CADM2: variants seen among roughly 807,000 people sequenced by gnomAD.
CADM2 encodes immunoglobulin superfamily member 4D.
Under a neutral mutation model 49.8 loss-of-function variants are expected in CADM2, and 12 were observed. The observed-to-expected ratio is 0.24, with a 90% CI of 0.15 to 0.39. CADM2 has a LOEUF of 0.39. Ranked by LOEUF, CADM2 falls within the 10% of genes least tolerant of loss-of-function variation. The pLI is 1.00. For synonymous variants in CADM2, 214 were observed against 175.4 expected (o/e 1.22, Z -1.74); for missense variants, 378 against 492.3 (o/e 0.77, Z 2.20).
intron 7 of CADM2, among the ~76,000 whole-genome samples, chr3:85,946,305 C>T (rs1170325415): frequency 6.7e-6 from 1 of 150,092 alleles, no homozygotes; most frequent in Non-Finnish European, 1.5e-5. Context: ...GAGGAACATT[C>T]CATGCTCATA....
chr3:85,017,219 T>C (rs1943173429), intron 1 of CADM2, among the ~76,000 whole-genome samples: 1 of 152,122 alleles, frequency 6.6e-6, no homozygotes, highest in African/African-American at 2.4e-5. Flanking sequence ...TGAATGACTA[T>C]TAAGTGGATG....
intron 2 of CADM2, among the ~76,000 whole-genome samples, chr3:85,749,456 T>C (rs1016556229): frequency 2.0e-5 from 3 of 152,026 alleles, no homozygotes; most frequent in Non-Finnish European, 1.5e-5. Context: ...CATTACATTA[T>C]TAAATGCTTT....
intron 1 of CADM2, among the ~76,000 whole-genome samples, chr3:85,569,049 G>T (rs986343315): frequency 6.6e-6 from 1 of 152,162 alleles, no homozygotes; most frequent in East Asian, 1.9e-4. Flanking sequence ...TCACAACTCA[G>T]ATATTGACAT....
intron 1 of CADM2, among the ~76,000 whole-genome samples, chr3:85,088,896 G>A (rs1575838381): frequency 6.6e-6 from 1 of 152,000 alleles, no homozygotes. Flanking sequence ...GACCTTAAAT[G>A]TGTGCTTTCA....
intron 8 of CADM2, among the ~76,000 whole-genome samples, chr3:86,038,652 T>C (rs1237945395): frequency 2.0e-5 from 3 of 152,190 alleles, no homozygotes; most frequent in Admixed American, 2.0e-4. Flanking sequence ...ATTACATTTT[T>C]CCCCTGATCT....
chr3:85,880,129 C>A (rs936746311), intron 3 of CADM2, among the ~76,000 whole-genome samples: 2 of 152,038 alleles, frequency 1.3e-5, no homozygotes, highest in African/African-American at 4.8e-5. Context: ...TGAGTGTATT[C>A]TTTGTGTGCG....
intron 1 of CADM2, among the ~76,000 whole-genome samples, chr3:85,674,197 A>T (rs1479384683): frequency 1.3e-5 from 2 of 152,220 alleles, no homozygotes; most frequent in African/African-American, 2.4e-5. Flanking sequence ...ATACATGTAA[A>T]CGCACATATA....
chr3:85,244,233 A>G (rs2042598185), intron 1 of CADM2, among the ~76,000 whole-genome samples: 1 of 152,118 alleles, frequency 6.6e-6, no homozygotes, highest in African/African-American at 2.4e-5. Context: ...AACAAATAGT[A>G]TGGCAAAAAA....
intron 3 of CADM2, among the ~76,000 whole-genome samples, chr3:85,813,887 C>T (rs184046157): frequency 4.6e-5 from 7 of 152,128 alleles, no homozygotes; most frequent in East Asian, 1.9e-4. Context: ...TGTTCTGTTC[C>T]ATTGGTCTGT....
chr3:85,016,623 C>A (rs535113388), intron 1 of CADM2, among the ~76,000 whole-genome samples: 1 of 151,802 alleles, frequency 6.6e-6, no homozygotes, highest in Non-Finnish European at 1.5e-5. Flanking sequence ...CGAAACCCTG[C>A]CTCTACTGAA....
intron 1 of CADM2, among the ~76,000 whole-genome samples, chr3:85,409,011 A>T (rs867534080): frequency 6.6e-6 from 1 of 152,320 alleles, no homozygotes; most frequent in African/African-American, 2.4e-5. Context: ...TTTTAAGACA[A>T]ATATTTCACT....
intron 1 of CADM2, among the ~76,000 whole-genome samples, chr3:85,365,569 TC>T (rs2032723230): frequency 6.6e-6 from 1 of 152,154 alleles, no homozygotes; most frequent in African/African-American, 2.4e-5. Context: ...AGTAATCCAC[TC>T]CTGATTTTTT....
At chr3:85,256,886 A>T (rs976336676) in intron 1 of CADM2, among the ~76,000 whole-genome samples, 7 of 152,112 alleles carry the variant, frequency 4.6e-5, no homozygotes, top group African/African-American at 1.7e-4. Flanking sequence ...TTGGAGAAAG[A>T]AATGAAGATA....
chr3:85,133,679 C>T (rs1055441646), intron 1 of CADM2, among the ~76,000 whole-genome samples: 1 of 152,204 alleles, frequency 6.6e-6, no homozygotes, highest in Non-Finnish European at 1.5e-5. Context: ...AGGGTGCTGA[C>T]TGGTGTGTTT....
chr3:85,430,271 C>T (rs1221850899), intron 1 of CADM2, among the ~76,000 whole-genome samples: 2 of 152,080 alleles, frequency 1.3e-5, no homozygotes, highest in African/African-American at 4.8e-5. Context: ...TAGCAAAATC[C>T]TCCCGTGGAA....
At chr3:85,931,025 G>A (rs1276745274) in intron 6 of CADM2, among the ~76,000 whole-genome samples, 1 of 151,556 alleles carries the variant, frequency 6.6e-6, no homozygotes, top group African/African-American at 2.4e-5. Flanking sequence ...TTTCATTTAA[G>A]CATTTAAAAA....
intron 8 of CADM2, chr3:85,993,059 C>T (rs555462843): frequency 1.3e-5 from 2 of 152,234 alleles, no homozygotes; most frequent in East Asian, 3.9e-4. Flanking sequence ...CTTCACAGGG[C>T]TAGGCACAGT....
intron 1 of CADM2, among the ~76,000 whole-genome samples, chr3:85,405,496 C>G (rs1000285774): frequency 2.6e-5 from 4 of 152,108 alleles, no homozygotes; most frequent in Non-Finnish European, 2.9e-5. Flanking sequence ...ACCCTAAGCT[C>G]TCTGTGATAC....
intron 1 of CADM2, among the ~76,000 whole-genome samples, chr3:85,679,521 A>G (rs1191431026): frequency 6.6e-6 from 1 of 152,200 alleles, no homozygotes; most frequent in Admixed American, 6.5e-5. Flanking sequence ...CGATATTGGG[A>G]CATAATAGGC....
Sources: gnomAD v4.1 joint callset for allele counts (sites outside exome capture counted in the v4.1 genomes callset) on GRCh38, gnomAD v4.1.1 for gene constraint, MANE v1.5 for transcripts, NCBI Gene and HGNC (gene_info 2026-07-23, HGNC 2026-07-21) for gene names.